The following CRYBG3 variants were observed in gnomAD, a reference collection of about 807,000 sequenced individuals.
CRYBG3 encodes crystallin beta-gamma domain containing 3, also known as very large A-kinase anchor protein.
In CRYBG3, 127 loss-of-function variants were observed where a neutral mutation model predicts 244.2. That is an observed-to-expected ratio of 0.52 (90% CI 0.45 to 0.60). The LOEUF (loss-of-function observed/expected upper bound fraction) is 0.60, where lower values mean the gene tolerates loss of function less well. CRYBG3 is among the 20% of genes least tolerant of loss of function. The pLI is 0.00. For missense variants in CRYBG3, 3,325 were observed against 3,442.5 expected, an observed-to-expected ratio of 0.97 and a Z score of 0.85; for synonymous variants, 1,132 against 1,195.8, an observed-to-expected ratio of 0.95 and a Z score of 1.10.
At position 97,877,897 on chromosome 3, in the gene CRYBG3, A is replaced by T; in HGVS notation, c.6703A>T (p.Ser2235Cys). 1 of 1,614,172 alleles carries T rather than the reference A, an allele frequency of 6.2e-7. No individual in the cohort carries two copies. Among genetic ancestry groups the T allele is most frequent in the Non-Finnish European group, 8.5e-7 (1 of 1,180,024 alleles). Residue 2235 changes from serine (S) to cysteine (C), a missense_variant, in exon 4 of 22, where the codon AGT (serine) becomes TGT (cysteine). By Grantham distance (112) the Ser-to-Cys change is moderately radical (BLOSUM62 -1). Transcript: ENST00000389622. ...TTCTAAACTACATTCTTCTTTAAAGAGTGCTTATCATCAGTATCTGCAGAC... is the reference window on the plus strand; with the variant it reads ...TTCTAAACTACATTCTTCTTTAAAGTGTGCTTATCATCAGTATCTGCAGAC... Reference protein sequence around the residue: ...LTSKLHSSLKSAYHQYLQTSQ... With the variant: ...LTSKLHSSLKCAYHQYLQTSQ...
intron 1 of CRYBG3, among the ~76,000 whole-genome samples, chr3:97,841,267 CAT>C (rs1286905774): frequency 6.8e-6 from 1 of 147,404 alleles, no homozygotes; most frequent in African/African-American, 2.6e-5. Context: ...TGTGTATACA[CAT>C]ATATGTACAT....
chr3:97,862,021 A>G (rs1170992385), intron 2 of CRYBG3, among the ~76,000 whole-genome samples: 1 of 152,084 alleles, frequency 6.6e-6, no homozygotes, highest in Non-Finnish European at 1.5e-5. Flanking sequence ...ACTAAAAAAT[A>G]CTCTTTAGTA....
At chr3:97,823,718 G>A (rs555054134) in intron 1 of CRYBG3, among the ~76,000 whole-genome samples, 3 of 152,338 alleles carry the variant, frequency 2.0e-5, no homozygotes, top group African/African-American at 7.2e-5. Context: ...AACAGTCTTG[G>A]ATAATATGAA....
At chr3:97,892,205 G>C (rs1299827254) in intron 10 of CRYBG3, among the ~76,000 whole-genome samples, 5 of 152,262 alleles carry the variant, frequency 3.3e-5, no homozygotes, top group African/African-American at 1.2e-4. Flanking sequence ...TAACGGTCTT[G>C]GTACCTATAG....
In CRYBG3 at chr3:97,872,945, A is replaced by G; in HGVS notation, c.1751A>G (p.Asn584Ser). 6.5e-7 allele frequency: 1 copy of G among 1,531,018 alleles called. No homozygotes were observed. Among genetic ancestry groups the G allele is most frequent in the African/African-American group, 1.4e-5 (1 of 72,662 alleles). The allele number at this position is 1,531,018 out of a possible 1,614,324, so 94.8% of individuals were successfully genotyped here. Reference sequence around the variant, plus strand: ...GATAAAATTCCTCATATTAGAATGAATAAAAAAGACCTGGCCTCTTTAAAT... The same window carrying G: ...GATAAAATTCCTCATATTAGAATGAGTAAAAAAGACCTGGCCTCTTTAAAT... ...SHDKIPHIRMNKKDLASLNYI... is the reference protein window; with the variant it reads ...SHDKIPHIRMSKKDLASLNYI... Residue 584 changes from asparagine (N) to serine (S), a missense_variant, in exon 4 of 22, where the codon AAT (asparagine) becomes AGT (serine). Asn to Ser is a conservative substitution (Grantham distance 46). Coordinates refer to ENST00000389622, the MANE Select transcript of CRYBG3 (RefSeq NM_153605.4).
intron 4 of CRYBG3, among the ~76,000 whole-genome samples, chr3:97,878,366 C>T (rs1299160939): frequency 6.6e-6 from 1 of 152,172 alleles, no homozygotes; most frequent in Non-Finnish European, 1.5e-5. Flanking sequence ...GCCAAGATCG[C>T]ACCAGTGCAC....
At chr3:97,905,277 T>C (rs1317697480) in intron 15 of CRYBG3, among the ~76,000 whole-genome samples, 1 of 151,844 alleles carries the variant, frequency 6.6e-6, no homozygotes, top group Admixed American at 6.6e-5. Flanking sequence ...GATGGCTGGG[T>C]CAAATGATAT....
At chr3:97,843,323 T>C in intron 2 of CRYBG3, 62 bp downstream of exon 2, 1 of 821,904 alleles carries the variant, frequency 1.2e-6, no homozygotes, top group Non-Finnish European at 1.9e-6. Context: ...TGTTAATTCT[T>C]TTAGATTCTG....
intron 1 of CRYBG3, among the ~76,000 whole-genome samples, chr3:97,842,947 G>T (rs746191154): frequency 6.6e-6 from 1 of 152,172 alleles, no homozygotes; most frequent in Non-Finnish European, 1.5e-5. Context: ...TTACTGTGAT[G>T]TTGATTATCT....
intron 17 of CRYBG3, among the ~76,000 whole-genome samples, chr3:97,921,098 C>T: frequency 6.8e-6 from 1 of 146,486 alleles, no homozygotes; most frequent in Non-Finnish European, 1.5e-5. Flanking sequence ...TCCCCCCTCC[C>T]AATACCTTCC....
intron 3 of CRYBG3, among the ~76,000 whole-genome samples, chr3:97,868,515 G>T (rs1042785930): frequency 6.6e-6 from 1 of 152,108 alleles, no homozygotes; most frequent in Non-Finnish European, 1.5e-5. Context: ...TTAGTCTAAA[G>T]AATGTATGTT....
At position 97,936,951 on chromosome 3, in the gene CRYBG3, G is replaced by T. The variant is rs373351404; in HGVS notation, c.8505+43G>T. The T allele has an allele frequency of 2.1e-4, 343 of 1,597,174 alleles. 3 individuals carry two copies. The African/African-American group carries it at 4.2e-3, about 20-fold the overall frequency. On this transcript the variant is annotated intron_variant, in intron 19 of 21. Coordinates refer to ENST00000389622, the MANE Select transcript of CRYBG3 (RefSeq NM_153605.4). ...ATAAGATTCCAAATAGCTTGCTTTTGTGGTAGAAATGTCATAAACCACAGC... is the reference window on the plus strand; with the variant it reads ...ATAAGATTCCAAATAGCTTGCTTTTTTGGTAGAAATGTCATAAACCACAGC...
intron 12 of CRYBG3, among the ~76,000 whole-genome samples, chr3:97,896,322 T>A (rs933438204): frequency 1.3e-5 from 2 of 152,200 alleles, no homozygotes; most frequent in African/African-American, 4.8e-5. Context: ...CTTTGTTAGA[T>A]GCCAGGAGTG....
At chr3:97,925,872 A>G (rs953515549) in intron 17 of CRYBG3, among the ~76,000 whole-genome samples, 1 of 152,046 alleles carries the variant, frequency 6.6e-6, no homozygotes, top group Non-Finnish European at 1.5e-5. Context: ...GGAGAAAACA[A>G]AGATCAGTAA....
chr3:97,940,218 G>A (rs1233810292), intron 19 of CRYBG3, among the ~76,000 whole-genome samples: 1 of 151,932 alleles, frequency 6.6e-6, no homozygotes, highest in Non-Finnish European at 1.5e-5. Flanking sequence ...TATGTGCCCT[G>A]CTCTTTCATT....
chr3:97,898,488 T>C (rs2039665306), intron 12 of CRYBG3, among the ~76,000 whole-genome samples: 1 of 152,190 alleles, frequency 6.6e-6, no homozygotes, highest in Non-Finnish European at 1.5e-5. Context: ...TTTTTCCTAT[T>C]ACATTTAAGC....
intron 19 of CRYBG3, among the ~76,000 whole-genome samples, chr3:97,940,132 T>C (rs1364542980): frequency 2.0e-5 from 3 of 152,036 alleles, no homozygotes; most frequent in Non-Finnish European, 4.4e-5. Context: ...GGGTGTCATG[T>C]TGGGTGTCAT....
intron 9 of CRYBG3, 36 bp downstream of exon 9, chr3:97,888,491 A>G (rs746197905): frequency 5.2e-6 from 7 of 1,334,090 alleles, no homozygotes; most frequent in Non-Finnish European, 7.5e-6. Flanking sequence ...CCTTTTCCCA[A>G]GTACCCATGA....
chr3:97,881,047 C>T, intron 6 of CRYBG3, 25 bp from the exon 7 acceptor site: 4 of 1,541,004 alleles, frequency 2.6e-6, no homozygotes, highest in Non-Finnish European at 3.5e-6. Context: ...AAATATAACT[C>T]ATCATTGCAT....
Sources: gnomAD v4.1 joint callset for allele counts (sites outside exome capture counted in the v4.1 genomes callset) on GRCh38, gnomAD v4.1.1 for gene constraint, MANE v1.5 for transcripts, NCBI Gene and HGNC (gene_info 2026-07-23, HGNC 2026-07-21) for gene names.